Variants in ITGBL1 observed in about 807,000 individuals in gnomAD.
ITGBL1 encodes the protein integrin subunit beta like 1.
ITGBL1 carries 51 observed loss-of-function variants against 68.5 expected under a neutral mutation model. The ratio of observed to expected loss-of-function variants is 0.74; its 90% CI spans 0.59 to 0.94. The LOEUF (loss-of-function observed/expected upper bound fraction) is 0.94, where lower values mean the gene tolerates loss of function less well. ITGBL1 is among the 40% of genes least tolerant of loss of function. ITGBL1 has a pLI of 0.00. For missense variants in ITGBL1, 649 were observed against 647.4 expected, an observed-to-expected ratio of 1.00 and a Z score of -0.03; for synonymous variants, 209 against 227.3, an observed-to-expected ratio of 0.92 and a Z score of 0.72.
chr13:101,590,370 T>C (rs2050630551), intron 6 of ITGBL1, among the ~76,000 whole-genome samples: 1 of 152,116 alleles, frequency 6.6e-6, no homozygotes, highest in South Asian at 2.1e-4. Flanking sequence ...TGTACCTGCC[T>C]TTATCCCCAA....
At chr13:101,708,832 G>A (rs1308052622) in intron 9 of ITGBL1, among the ~76,000 whole-genome samples, 1 of 152,224 alleles carries the variant, frequency 6.6e-6, no homozygotes, top group Non-Finnish European at 1.5e-5. Flanking sequence ...TCAACCTAAT[G>A]TCATTACAGC....
intron 7 of ITGBL1, among the ~76,000 whole-genome samples, chr13:101,650,620 C>CT (rs55874443): frequency 2.6e-3 from 360 of 137,390 alleles, no homozygotes; most frequent in Admixed American, 4.0e-3. Flanking sequence ...TCTTTTTTTT[C>CT]TTTTTTTTTT....
At chr13:101,572,298 G>A (rs1186944930) in intron 3 of ITGBL1, among the ~76,000 whole-genome samples, 1 of 152,066 alleles carries the variant, frequency 6.6e-6, no homozygotes, top group African/African-American at 2.4e-5. Context: ...GGAGTTAAAT[G>A]GATTGGGGAA....
intron 6 of ITGBL1, among the ~76,000 whole-genome samples, chr13:101,585,307 T>G (rs2050533564): frequency 6.6e-6 from 1 of 152,156 alleles, no homozygotes; most frequent in Admixed American, 6.5e-5. Flanking sequence ...AAGCCAAAGT[T>G]TATATTTTTT....
At chr13:101,678,555 A>G (rs138597361) in intron 7 of ITGBL1, among the ~76,000 whole-genome samples, 8,658 of 149,994 alleles carry the variant, frequency 0.058, 873 homozygotes, top group African/African-American at 0.2. Context: ...GCTGGAGTGC[A>G]GTGGCACGAT....
intron 2 of ITGBL1, among the ~76,000 whole-genome samples, chr13:101,476,848 G>A (rs1218286059): frequency 6.6e-6 from 1 of 152,066 alleles, no homozygotes; most frequent in East Asian, 1.9e-4. Context: ...GACATGTAAA[G>A]CAAATATTAT....
intron 2 of ITGBL1, among the ~76,000 whole-genome samples, chr13:101,533,491 C>T (rs2049518110): frequency 6.6e-6 from 1 of 152,200 alleles, no homozygotes; most frequent in Non-Finnish European, 1.5e-5. Flanking sequence ...GTATTTTCCA[C>T]AAATGCACTT....
Position 101,603,480 on chromosome 13 carries a change from A to T in ITGBL1, c.1015+5181A>T, listed in dbSNP as rs538104649. ...GAACCATTGTTCTATCTGCATTGGA[A>T]TATTGTCATTATAGTGCTGCATAAG... On this transcript the variant is annotated intron_variant, in intron 7 of 10. Coordinates refer to ENST00000376180, the MANE Select transcript of ITGBL1 (RefSeq NM_004791.3). Among the ~76,000 whole-genome samples, 4 of 152,072 alleles carry T rather than the reference A, an allele frequency of 2.6e-5. No homozygotes were observed. The East Asian group carries it at 7.7e-4, about 29-fold the overall frequency.
rs1233163098 is a variant in ITGBL1, at chr13:101,454,093, C to G, written c.309C>G (p.Thr103=). Residue 103 remains threonine (T), a synonymous_variant, in exon 2 of 11, where the codon ACC becomes ACG. Coordinates refer to ENST00000376180, the MANE Select transcript of ITGBL1 (RefSeq NM_004791.3). ...EWVCETYDGS[T]CAGHGKCDCG... is the part of the protein sequence containing the mutation. ...TGTGCGAGACCTACGACGGGAGCAC[C>G]TGTGCAGGTAAGAGGGCGGCGCTGT... 6.4e-7 allele frequency: 1 copy of G among 1,566,722 alleles called. No homozygotes were observed. The highest frequency in any genetic ancestry group is 1.4e-5 in the African/African-American group (1 of 73,418).
At chr13:101,640,839 C>T (rs2032342590) in intron 7 of ITGBL1, among the ~76,000 whole-genome samples, 1 of 152,010 alleles carries the variant, frequency 6.6e-6, no homozygotes, top group African/African-American at 2.4e-5. Flanking sequence ...CATGAGTACC[C>T]GATGTTTAGC....
intron 6 of ITGBL1, among the ~76,000 whole-genome samples, chr13:101,593,937 T>A (rs894656760): frequency 6.6e-6 from 1 of 152,110 alleles, no homozygotes; most frequent in Non-Finnish European, 1.5e-5. Context: ...AAATGATAAA[T>A]GCATAAGGTG....
rs186579805 is a variant in ITGBL1 at position 101,658,889 on chromosome 13, A to C, written c.1016-33696A>C. On this transcript the variant is annotated intron_variant, in intron 7 of 10. Transcript: ENST00000376180. ...TTAAACAATAATAGTAATAAATAAT[A>C]AAAAATAATAAAAATATACATATAT... 2.7e-5 allele frequency among the ~76,000 whole-genome samples: 4 copies of C among 148,144 alleles called. No homozygotes were observed. In the Admixed American group the frequency reaches 2.7e-4, roughly 10 times the overall value.
downstream of ITGBL1, chr13:101,719,297 T>TATG (rs1377142540): frequency 1.3e-5 from 2 of 152,066 alleles, no homozygotes; most frequent in Admixed American, 1.3e-4. Context: ...AGTGGCTAGG[T>TATG]ATGATAAAGA....
chr13:101,709,161 C>T (rs1268308440), intron 9 of ITGBL1, among the ~76,000 whole-genome samples: 1 of 150,378 alleles, frequency 6.6e-6, no homozygotes, highest in Admixed American at 6.6e-5. Context: ...GTCAGGAGAT[C>T]GAGACCATCC....
rs149904401 is a variant in ITGBL1 at position 101,523,555 on chromosome 13, G to T, written c.317-44144G>T. On this transcript the variant is annotated intron_variant, in intron 2 of 10. Transcript: ENST00000376180. ...GGAGTAATGCTAATCCAGGACTGCT[G>T]GTTTTTCATGTTAAAACCCATAAAC... Among the ~76,000 whole-genome samples the T allele has an allele frequency of 2.6e-4, 40 of 152,212 alleles. 2 individuals are homozygous for T. In the East Asian group the frequency reaches 6.9e-3, roughly 26 times the overall value.
intron 7 of ITGBL1, among the ~76,000 whole-genome samples, chr13:101,635,457 G>T (rs968544842): frequency 2.6e-5 from 4 of 152,026 alleles, no homozygotes; most frequent in African/African-American, 9.7e-5. Flanking sequence ...GCTAGTCATA[G>T]ATATTATTAC....
chr13:101,598,390 T>G (rs888686173), intron 7 of ITGBL1, 91 bp downstream of exon 7: 2 of 1,111,048 alleles, frequency 1.8e-6, no homozygotes, highest in African/African-American at 3.2e-5. Flanking sequence ...GTTTGTTTGT[T>G]TTTTGTTTTC....
intron 7 of ITGBL1, among the ~76,000 whole-genome samples, chr13:101,688,908 CATT>C (rs1006588066): frequency 1.8e-4 from 28 of 151,968 alleles, no homozygotes; most frequent in African/African-American, 6.5e-4. Flanking sequence ...TGATTCAAAA[CATT>C]ATGATTGCCG....
At chr13:101,630,918 G>A (rs758740012) in intron 7 of ITGBL1, among the ~76,000 whole-genome samples, 1 of 152,124 alleles carries the variant, frequency 6.6e-6, no homozygotes, top group Non-Finnish European at 1.5e-5. Flanking sequence ...ACTTCTTTTA[G>A]TGTTTCTGCT....
Sources: allele counts gnomAD v4.1 joint callset (sites outside exome capture counted in the v4.1 genomes callset), GRCh38; gene constraint gnomAD v4.1.1; transcripts MANE v1.5; gene names NCBI Gene and HGNC (gene_info 2026-07-23, HGNC 2026-07-21).